Variants in NLRP11 observed in about 807,000 individuals in gnomAD.
NLRP11 encodes the protein NLR family pyrin domain containing 11.
Under a neutral mutation model 79.3 loss-of-function variants are expected in NLRP11, and 53 were observed. The ratio of observed to expected loss-of-function variants is 0.67; its 90% confidence interval spans 0.54 to 0.84. NLRP11 has a LOEUF of 0.84. Ranked by LOEUF, NLRP11 falls within the 40% of genes least tolerant of loss-of-function variation. The pLI is 0.00. For missense variants in NLRP11, 1,264 were observed against 1,255.0 expected (o/e 1.01, Z -0.11); for synonymous variants, 518 against 462.6 (o/e 1.12, Z -1.54).
At chr19:55,806,167 G>A (rs922151686) in intron 4 of NLRP11, among the ~76,000 whole-genome samples, 12 of 151,172 alleles carry the variant, frequency 7.9e-5, no homozygotes, top group African/African-American at 2.7e-4. Context: ...TCTTTGGATC[G>A]TTTTGCTTCC....
chr19:55,817,546 C>T (rs530162198), intron 2 of NLRP11, among the ~76,000 whole-genome samples: 2 of 152,066 alleles, frequency 1.3e-5, no homozygotes, highest in African/African-American at 4.8e-5. Flanking sequence ...GGATTAGAGA[C>T]CATTATTCTA....
At chr19:55,788,834 C>T in exon 9 of NLRP11, 2 of 1,603,666 alleles carry the variant, frequency 1.2e-6, no homozygotes, top group Non-Finnish European at 1.7e-6. Context: ...ACAATCTGGG[C>T]TGATCAAGCT....
At chr19:55,805,617 G>A (rs555312990) in intron 4 of NLRP11, among the ~76,000 whole-genome samples, 3 of 151,780 alleles carry the variant, frequency 2.0e-5, no homozygotes, top group South Asian at 2.1e-4. Context: ...TCAGCTCACC[G>A]TGGCCTGCGC....
At chr19:55,797,231 C>T (rs1425078098) in intron 5 of NLRP11, among the ~76,000 whole-genome samples, 2 of 151,938 alleles carry the variant, frequency 1.3e-5, no homozygotes, top group Non-Finnish European at 2.9e-5. Flanking sequence ...CTCAGGAGTT[C>T]GAGGCTGCAG....
intron 5 of NLRP11, 37 bp from the exon 6 acceptor site, chr19:55,796,287 C>A (rs373253718): frequency 6.5e-7 from 1 of 1,529,738 alleles, no homozygotes; most frequent in Non-Finnish European, 8.9e-7. Flanking sequence ...GAGGCTCCCG[C>A]GTTTAAGCTA....
intron 2 of NLRP11, among the ~76,000 whole-genome samples, chr19:55,812,491 T>C (rs977588374): frequency 2.6e-5 from 4 of 152,144 alleles, no homozygotes; most frequent in Non-Finnish European, 5.9e-5. Context: ...GGAGAGGGGA[T>C]GAAAAGGTAT....
At chr19:55,814,657 A>C (rs1288933526) in intron 2 of NLRP11, among the ~76,000 whole-genome samples, 1 of 152,242 alleles carries the variant, frequency 6.6e-6, no homozygotes, top group Non-Finnish European at 1.5e-5. Context: ...AAGGTACTTA[A>C]AGTGTAATTT....
intron 7 of NLRP11, among the ~76,000 whole-genome samples, chr19:55,790,498 T>TCC (rs1328219925): frequency 6.6e-6 from 1 of 152,090 alleles, no homozygotes. Context: ...ATTTCCTATC[T>TCC]CCCCCAGTGC....
At chr19:55,813,986 G>T (rs890972074) in intron 2 of NLRP11, among the ~76,000 whole-genome samples, 2 of 152,040 alleles carry the variant, frequency 1.3e-5, no homozygotes, top group African/African-American at 4.8e-5. Flanking sequence ...TAGACTTTAC[G>T]CCAGACTGAT....
intron 4 of NLRP11, among the ~76,000 whole-genome samples, chr19:55,806,822 T>C (rs2059152): frequency 0.15 from 23,540 of 152,130 alleles, 2,297 homozygotes; most frequent in African/African-American, 0.27. Flanking sequence ...GGTCTAAACA[T>C]GTAGGTCTCT....
chr19:55,798,000 T>TTA lies in NLRP11; in HGVS notation c.2172-1751_2172-1750insTA, dbSNP rs71918335. 2.2e-3 allele frequency among the ~76,000 whole-genome samples: 261 copies of TTA among 120,818 alleles called. 3 individuals are homozygous for TTA. Among genetic ancestry groups the TTA allele is most frequent in the African/African-American group, 8.5e-3 (234 of 27,620 alleles). 79.3% of individuals were successfully genotyped at this position (120,818 alleles called of 152,430 possible). On this transcript the variant is annotated intron_variant, in intron 5 of 9. Coordinates refer to ENST00000589093, the Ensembl canonical transcript of NLRP11. The stretch of plus-strand genomic sequence containing the variant: ...AATGGTGTATTCTATATTATTATTA[T>TTA]TTTTTTTTTTTTTGAGATGGAGTTT...
chr19:55,788,363 C>CTTTTTTT (rs74179639), intron 9 of NLRP11, among the ~76,000 whole-genome samples: 3 of 140,722 alleles, frequency 2.1e-5, no homozygotes. Context: ...AGAGGAAAGA[C>CTTTTTTT]TTTTTTTTTT....
upstream of NLRP11, among the ~76,000 whole-genome samples, chr19:55,834,201 A>G (rs553366288): frequency 6.6e-6 from 1 of 152,234 alleles, no homozygotes; most frequent in Non-Finnish European, 1.5e-5. Flanking sequence ...CAAAAGCTAC[A>G]AACCACAAAC....
exon 3 of NLRP11, chr19:55,808,836 T>G: frequency 6.2e-7 from 1 of 1,613,806 alleles, no homozygotes; most frequent in Non-Finnish European, 8.5e-7. Context: ...TTAAGTGTCC[T>G]CAGGTGACAG....
At chr19:55,818,379 G>T (rs189922010) in intron 1 of NLRP11, 143 bp from the exon 2 acceptor site, 27 of 560,992 alleles carry the variant, frequency 4.8e-5, no homozygotes, top group Non-Finnish European at 6.3e-6. Context: ...CTTTCTGTCT[G>T]GGTCAATGGC....
At chr19:55,804,684 A>G (rs1292580872) in intron 4 of NLRP11, among the ~76,000 whole-genome samples, 1 of 152,176 alleles carries the variant, frequency 6.6e-6, no homozygotes, top group East Asian at 1.9e-4. Flanking sequence ...TATAGTCTAT[A>G]TACAAAATAT....
chr19:55,809,772 T>C lies in NLRP11; in HGVS notation c.838A>G (p.Thr280Ala). Residue 280 changes from threonine to alanine, a missense_variant, in exon 3 of 10, where the codon ACA (threonine) becomes GCA (alanine). Physicochemically the swap from Thr to Ala is moderately conservative, Grantham distance 58. Coordinates refer to ENST00000589093, the Ensembl canonical transcript of NLRP11. This position sits in a 1 kb window ranked among gnomAD's most constrained non-coding sequence, Gnocchi z 4.5. ...AACGTTTTTACATTATTCCCACGTG[T>C]GGGCCTTGAGGAGATGAGGAACCAG... is the stretch of plus-strand genomic sequence containing the variant. 1 of 1,614,172 alleles carries C rather than the reference T, an allele frequency of 6.2e-7. No homozygotes were observed. The highest frequency in any genetic ancestry group is 1.1e-5 in the South Asian group (1 of 91,072).
At chr19:55,808,151 AGGG>A (rs1451610308) in intron 3 of NLRP11, 137 bp from the exon 4 acceptor site, 2 of 571,332 alleles carry the variant, frequency 3.5e-6, no homozygotes, top group Non-Finnish European at 6.1e-6. Context: ...GAAATAAAGT[AGGG>A]TCAAACATGA....
intron 1 of NLRP11, among the ~76,000 whole-genome samples, chr19:55,827,125 T>C (rs1421296271): frequency 2.9e-5 from 4 of 139,808 alleles, no homozygotes; most frequent in Admixed American, 1.5e-4. Flanking sequence ...CCTACAACTA[T>C]CTGGTATTTG....
Sources: gnomAD v4.1 joint callset for allele counts (sites outside exome capture counted in the v4.1 genomes callset) on GRCh38, gnomAD v4.1.1 for gene constraint, Gnocchi (gnomAD v3.1) non-coding constraint, MANE v1.5 for transcripts, NCBI Gene and HGNC (gene_info 2026-07-23, HGNC 2026-07-21) for gene names.